GPR158: variants seen among roughly 807,000 people sequenced by gnomAD.
The protein encoded by GPR158 is metabotropic glycine receptor.
In GPR158, 30 loss-of-function variants were observed where a neutral mutation model predicts 78.2. That is an observed-to-expected ratio of 0.38 (90% CI 0.29 to 0.52). The LOEUF is 0.52. GPR158 is among the 20% of genes least tolerant of loss of function. GPR158 has a pLI of 0.83. For synonymous variants in GPR158, 581 were observed against 591.1 expected (o/e 0.98, Z 0.25); for missense variants, 1,463 against 1,523.5 (o/e 0.96, Z 0.66).
rs750605206 is a variant in GPR158 at position 25,589,090 on chromosome 10, A to G, written c.1837A>G (p.Met613Val). Residue 613 changes from methionine (M) to valine (V), a missense_variant, in exon 8 of 11, where the codon ATG (methionine) becomes GTG (valine). Physicochemically the swap from Met to Val is conservative, Grantham distance 21. Coordinates refer to ENST00000376351, the MANE Select transcript of GPR158 (RefSeq NM_020752.3). The part of the protein sequence containing the change: ...VPSAFHEPRY[M>V]AVAVHNELII... ...ATCGGCATTCCATGAGCCCCGCTAT[A>G]TGGCTGTTGCAGTTCACAATGAGCT... 5 of 1,612,604 alleles carry G rather than the reference A, an allele frequency of 3.1e-6. No individual in the cohort carries two copies. Among genetic ancestry groups the G allele is most frequent in the Non-Finnish European group, 3.4e-6 (4 of 1,178,964 alleles).
intron 5 of GPR158, among the ~76,000 whole-genome samples, chr10:25,490,058 A>G (rs1189286699): frequency 6.6e-6 from 1 of 152,148 alleles, no homozygotes; most frequent in Non-Finnish European, 1.5e-5. Context: ...GAAAATTTAC[A>G]GAAGAGGAAA....
chr10:25,474,654 G>C (rs548305011), intron 5 of GPR158, among the ~76,000 whole-genome samples: 4 of 152,274 alleles, frequency 2.6e-5, no homozygotes, highest in Admixed American at 1.3e-4. Context: ...ATTAAATTCT[G>C]TGAGAGTAGG....
intron 7 of GPR158, among the ~76,000 whole-genome samples, chr10:25,585,529 A>G (rs528498210): frequency 4.6e-5 from 7 of 152,238 alleles, no homozygotes; most frequent in African/African-American, 1.4e-4. Flanking sequence ...AGAAAATTCA[A>G]TGTAGGTTAT....
intron 5 of GPR158, among the ~76,000 whole-genome samples, chr10:25,518,221 C>A (rs1342933616): frequency 2.8e-4 from 23 of 83,444 alleles, no homozygotes; most frequent in African/African-American, 1.3e-3. Flanking sequence ...TGGTGATATC[C>A]CCTTTATCAT....
At chr10:25,516,225 T>C (rs1367284914) in intron 5 of GPR158, among the ~76,000 whole-genome samples, 2 of 151,268 alleles carry the variant, frequency 1.3e-5, no homozygotes, top group Non-Finnish European at 3.0e-5. Context: ...TTGTTTGTTT[T>C]TTTCTTGTAA....
chr10:25,338,479 A>AAT (rs1284869211), intron 2 of GPR158, among the ~76,000 whole-genome samples: 25 of 130,522 alleles, frequency 1.9e-4, no homozygotes, highest in African/African-American at 8.2e-4. Flanking sequence ...TTATACGTAT[A>AAT]ATATACGTAT....
At chr10:25,319,956 T>C (rs937137393) in intron 2 of GPR158, among the ~76,000 whole-genome samples, 1 of 152,206 alleles carries the variant, frequency 6.6e-6, no homozygotes, top group Non-Finnish European at 1.5e-5. Flanking sequence ...ACTTGAACTT[T>C]GGGATTGTTC....
At chr10:25,514,544 A>G (rs562645619) in intron 5 of GPR158, among the ~76,000 whole-genome samples, 14 of 152,184 alleles carry the variant, frequency 9.2e-5, no homozygotes, top group South Asian at 4.1e-4. Flanking sequence ...GTGAAGTACT[A>G]TTCTATTCCT....
intron 2 of GPR158, among the ~76,000 whole-genome samples, chr10:25,356,580 C>CCA (rs368776768): frequency 0.06 from 9,122 of 151,962 alleles, 613 homozygotes; most frequent in African/African-American, 0.17. Flanking sequence ...ATGGGTCTTA[C>CCA]AAGATTTGAT....
intron 1 of GPR158, among the ~76,000 whole-genome samples, chr10:25,179,548 A>T (rs951652927): frequency 6.6e-5 from 10 of 152,158 alleles, no homozygotes; most frequent in African/African-American, 2.4e-4. Flanking sequence ...TAAGAAGTTC[A>T]ACATAAAAAT....
chr10:25,199,096 G>A (rs1341986725), intron 1 of GPR158, among the ~76,000 whole-genome samples: 1 of 151,168 alleles, frequency 6.6e-6, no homozygotes, highest in African/African-American at 2.4e-5. Context: ...TGAATAGATG[G>A]TAGAGATCCA....
intron 5 of GPR158, among the ~76,000 whole-genome samples, chr10:25,509,803 A>G (rs1836060070): frequency 6.6e-6 from 1 of 152,046 alleles, no homozygotes; most frequent in Non-Finnish European, 1.5e-5. Flanking sequence ...CACAACCTCT[A>G]CCTGGGTTCA....
intron 5 of GPR158, among the ~76,000 whole-genome samples, chr10:25,522,512 T>C (rs962159217): frequency 6.6e-6 from 1 of 152,096 alleles, no homozygotes; most frequent in Non-Finnish European, 1.5e-5. Context: ...GATATAGATG[T>C]TGGGGGGAAA....
chr10:25,316,986 A>G (rs1459024021), intron 2 of GPR158, among the ~76,000 whole-genome samples: 2 of 150,744 alleles, frequency 1.3e-5, no homozygotes, highest in African/African-American at 2.4e-5. Context: ...AAGGACTTCA[A>G]TTATACATAT....
chr10:25,572,357 G>A (rs140207328), intron 6 of GPR158, among the ~76,000 whole-genome samples: 7 of 152,284 alleles, frequency 4.6e-5, no homozygotes, highest in African/African-American at 1.7e-4. Context: ...GCCAGGCACA[G>A]TGGCACGTGC....
intron 2 of GPR158, among the ~76,000 whole-genome samples, chr10:25,352,636 C>G (rs35677680): frequency 0.077 from 11,731 of 151,954 alleles, 1,107 homozygotes; most frequent in African/African-American, 0.23. Context: ...TTTTATAAGC[C>G]TACCCTGGCA....
At chr10:25,464,054 C>T (rs1028176625) in intron 4 of GPR158, among the ~76,000 whole-genome samples, 1 of 152,188 alleles carries the variant, frequency 6.6e-6, no homozygotes, top group Non-Finnish European at 1.5e-5. Context: ...ACAGGACTTA[C>T]ATTTTATTAT....
At chr10:25,330,094 A>G (rs1045191993) in intron 2 of GPR158, among the ~76,000 whole-genome samples, 1 of 151,894 alleles carries the variant, frequency 6.6e-6, no homozygotes, top group Middle Eastern at 3.4e-3. Flanking sequence ...TACATGTGCC[A>G]TGCTGGTGCG....
intron 2 of GPR158, among the ~76,000 whole-genome samples, chr10:25,251,407 C>A (rs1853797066): frequency 1.3e-5 from 2 of 151,700 alleles, no homozygotes. Flanking sequence ...TCTTCCTAGT[C>A]TCGATGGTCT....
Sources: allele counts gnomAD v4.1 joint callset (sites outside exome capture counted in the v4.1 genomes callset), GRCh38; gene constraint gnomAD v4.1.1; transcripts MANE v1.5; gene names NCBI Gene and HGNC (gene_info 2026-07-23, HGNC 2026-07-21).